The following MX2 variants were observed in gnomAD, a reference collection of about 807,000 sequenced individuals.
MX2 encodes interferon-induced GTP-binding protein Mx2.
In MX2, 51 loss-of-function variants were observed where a neutral mutation model predicts 74.0. The ratio of observed to expected loss-of-function variants is 0.69; its 90% CI spans 0.55 to 0.87. MX2 has a LOEUF of 0.87. Ranked by LOEUF, MX2 falls within the 40% of genes least tolerant of loss-of-function variation. MX2 has a pLI of 0.00. For missense variants in MX2, 832 were observed against 908.7 expected (o/e 0.92, Z 1.09); for synonymous variants, 369 against 339.3 (o/e 1.09, Z -0.96).
Position 41,408,559 on chromosome 21 carries a change from C to A in MX2, c.*326C>A. On this transcript the variant is annotated 3_prime_UTR_variant, in exon 14 of 14. Coordinates refer to ENST00000330714, the MANE Select transcript of MX2 (RefSeq NM_002463.2). ...CCTTCCCCCTACAAGATTATGAGAC[C>A]CCAGAGGGGGAAGGTCTGGGTCAAA... The A allele has an allele frequency of 3.6e-6, 1 of 276,174 alleles. No individual in the cohort carries two copies. The highest frequency in any genetic ancestry group is 6.8e-6 in the Non-Finnish European group (1 of 146,560). The allele number at this position is 276,174 out of a possible 1,614,324, so 17.1% of individuals were successfully genotyped here. A position where few individuals can be genotyped will look rare whatever the true frequency, so the allele number is the denominator to read the frequency against.
At chr21:41,387,439 T>A (rs1204885823) in intron 5 of MX2, among the ~76,000 whole-genome samples, 1 of 152,212 alleles carries the variant, frequency 6.6e-6, no homozygotes, top group African/African-American at 2.4e-5. Context: ...CTTGGCAGTG[T>A]TCACCCACCA....
At chr21:41,392,412 A>C (rs546969533) in intron 6 of MX2, among the ~76,000 whole-genome samples, 1 of 152,370 alleles carries the variant, frequency 6.6e-6, no homozygotes, top group East Asian at 1.9e-4. Flanking sequence ...TTCCAGTAAG[A>C]AAAGGACTAA....
chr21:41,394,009 C>T (rs1227213569), intron 6 of MX2, among the ~76,000 whole-genome samples: 1 of 152,160 alleles, frequency 6.6e-6, no homozygotes, highest in East Asian at 1.9e-4. Context: ...CCAAATCCAT[C>T]CACTGCTCTC....
At chr21:41,394,706 G>T (rs900525214) in intron 6 of MX2, among the ~76,000 whole-genome samples, 1 of 152,150 alleles carries the variant, frequency 6.6e-6, no homozygotes, top group Admixed American at 6.5e-5. Context: ...ACTTTGGGAG[G>T]CTGAGGTGGG....
rs1046462267 is a variant in MX2, at chr21:41,402,959, G to A, written c.1574-308G>A. 1.5e-5 allele frequency: 5 copies of A among 327,424 alleles called. No homozygotes were observed. Among genetic ancestry groups the A allele is most frequent in the Non-Finnish European group, 2.4e-5 (4 of 168,506 alleles). 20.3% of individuals were successfully genotyped at this position (327,424 alleles called of 1,614,324 possible). On this transcript the variant is annotated intron_variant, in intron 11 of 13. Transcript: ENST00000330714. The surrounding 1 kb of genome is among the most constrained non-coding windows in gnomAD (Gnocchi z 4.5). ...ACTAGCTCACTGCACACCTCCTGCC[G>A]GACACGGACTGGAACTGGTCCAGCC...
At chr21:41,395,180 C>A (rs183029923) in intron 6 of MX2, among the ~76,000 whole-genome samples, 45 of 152,016 alleles carry the variant, frequency 3.0e-4, no homozygotes, top group African/African-American at 1.1e-3. Context: ...AGGAGGAGAT[C>A]AGAGGAGGTG....
At chr21:41,372,028 TAGA>T (rs1223099665) in intron 1 of MX2, among the ~76,000 whole-genome samples, 1 of 152,206 alleles carries the variant, frequency 6.6e-6, no homozygotes, top group Non-Finnish European at 1.5e-5. Context: ...GTGTCTGTGT[TAGA>T]AGAAGGACCC....
At position 41,402,078 on chromosome 21, in the gene MX2, A is replaced by T. The variant is rs1335386720; in HGVS notation, c.1523A>T (p.Tyr508Phe). ...ACATTTGAGATCATCGTGCATCAGTACATCCAGCAGCTGGTGGAGCCCGCC... is the reference window on the plus strand; with the variant it reads ...ACATTTGAGATCATCGTGCATCAGTTCATCCAGCAGCTGGTGGAGCCCGCC... ...YKTFEIIVHQ[Y>F]IQQLVEPALS... The change falls in exon 11 of 14, where the codon TAC (tyrosine) becomes TTC (phenylalanine). Residue 508 changes from tyrosine to phenylalanine, a missense_variant. By Grantham distance (22) the Tyr-to-Phe change is conservative (BLOSUM62 3). Transcript: ENST00000330714. The surrounding 1 kb of genome is among the most constrained non-coding windows in gnomAD (Gnocchi z 4.5). 1.2e-6 allele frequency: 2 copies of T among 1,614,114 alleles called. No homozygotes were observed. The highest frequency in any genetic ancestry group is 2.7e-5 in the African/African-American group (2 of 74,944).
At chr21:41,407,186 G>C (rs552880789) in intron 13 of MX2, among the ~76,000 whole-genome samples, 188 bp downstream of exon 13, 56 of 152,198 alleles carry the variant, frequency 3.7e-4, no homozygotes, top group Middle Eastern at 3.4e-3. Flanking sequence ...CCCTATGAAG[G>C]CACTTTTAAT....
chr21:41,404,873 C>CAAAA (rs547207365), intron 12 of MX2: 6 of 69,080 alleles, frequency 8.7e-5, no homozygotes, highest in South Asian at 4.2e-4. Context: ...CACATATACT[C>CAAAA]AAAAAAAAAA....
chr21:41,365,026 A>C (rs1166788787), intron 1 of MX2: 5 of 152,206 alleles, frequency 3.3e-5, no homozygotes, highest in Non-Finnish European at 7.3e-5. Flanking sequence ...AATCAAGTTG[A>C]CACTCAGTAT....
chr21:41,390,232 A>G (rs1046660848), intron 5 of MX2: 10 of 291,128 alleles, frequency 3.4e-5, no homozygotes, highest in African/African-American at 1.9e-4. Flanking sequence ...CAACATACGC[A>G]CAAGTCACTC....
At chr21:41,378,730 G>A (rs893935687) in intron 3 of MX2, among the ~76,000 whole-genome samples, 5 of 152,326 alleles carry the variant, frequency 3.3e-5, no homozygotes, top group Admixed American at 3.3e-4. Flanking sequence ...GTTTAGAAAG[G>A]AGTTTTTAGG....
Position 41,380,660 on chromosome 21 carries a change from C to T in MX2, c.577+509C>T, listed in dbSNP as rs1310961764. Among the ~76,000 whole-genome samples, 3 of 152,340 alleles carry T rather than the reference C, an allele frequency of 2.0e-5. No individual in the cohort carries two copies. The highest frequency in any genetic ancestry group is 1.3e-4 in the Admixed American group (2 of 15,310). Reference sequence around the variant, plus strand: ...CAGCCACCTTGTGGCCACCTTTCCTCCCAGCACCCCCTCCAAATGCAGACC... The same window carrying T: ...CAGCCACCTTGTGGCCACCTTTCCTTCCAGCACCCCCTCCAAATGCAGACC... On this transcript the variant is annotated intron_variant, in intron 4 of 13. Coordinates refer to ENST00000330714, the MANE Select transcript of MX2 (RefSeq NM_002463.2). This position sits in a 1 kb window ranked among gnomAD's most constrained non-coding sequence, Gnocchi z 4.3.
intron 10 of MX2, chr21:41,401,531 G>A (rs1200407693): frequency 1.3e-5 from 2 of 155,468 alleles, no homozygotes; most frequent in South Asian, 1.9e-4. Flanking sequence ...ATACCACCAT[G>A]CCTGGCTCAT....
intron 4 of MX2, among the ~76,000 whole-genome samples, 200 bp from the exon 5 acceptor site, chr21:41,382,210 G>A (rs971466952): frequency 1.3e-5 from 2 of 151,476 alleles, no homozygotes; most frequent in Non-Finnish European, 2.9e-5. Context: ...GAAAGTGTAG[G>A]TCTGTGCACC....
At position 41,399,233 on chromosome 21, in the gene MX2, TAGA is replaced by T; in HGVS notation, c.1313_1315del (p.Glu438del). 1.2e-6 allele frequency: 2 copies of T among 1,613,856 alleles called. No homozygotes were observed. The highest frequency in any genetic ancestry group is 1.7e-6 in the Non-Finnish European group (2 of 1,179,828). ...TTTAATCAGGACATCGAAAAGTTAG[TAGA>T]AGGAGAAGAAGTTGTAAGGGAGAAT... On this transcript the variant is annotated inframe_deletion, in exon 10 of 14. Transcript: ENST00000330714.
intron 12 of MX2, 95 bp from the exon 13 acceptor site, chr21:41,406,649 A>G: frequency 7.8e-7 from 1 of 1,285,598 alleles, no homozygotes; most frequent in South Asian, 1.5e-5. Context: ...GATTCGTTTT[A>G]TTTCTGAGTT....
chr21:41,396,987 C>T (rs775025337), intron 7 of MX2, among the ~76,000 whole-genome samples: 1 of 152,198 alleles, frequency 6.6e-6, no homozygotes, highest in African/African-American at 2.4e-5. Flanking sequence ...CTTTGCAAAC[C>T]GCTTCTCAAG....
Sources: gnomAD v4.1 joint callset for allele counts (sites outside exome capture counted in the v4.1 genomes callset) on GRCh38, gnomAD v4.1.1 for gene constraint, Gnocchi (gnomAD v3.1) non-coding constraint, MANE v1.5 for transcripts, NCBI Gene and HGNC (gene_info 2026-07-23, HGNC 2026-07-21) for gene names.